The following TAFA4 variants were observed in gnomAD, a reference collection of about 807,000 sequenced individuals.
TAFA4 encodes the protein TAFA chemokine like family member 4.
TAFA4 carries 20 observed loss-of-function variants against 21.1 expected under a neutral mutation model. The ratio of observed to expected loss-of-function variants is 0.95; its 90% CI spans 0.67 to 1.38. The LOEUF (loss-of-function observed/expected upper bound fraction) is 1.38, where lower values mean the gene tolerates loss of function less well. Among genes scored for constraint, TAFA4 ranks in the 40% most tolerant of loss-of-function variants. The pLI is 0.00. For synonymous variants in TAFA4, 71 were observed against 67.4 expected (o/e 1.05, Z -0.26); for missense variants, 211 against 180.9 (o/e 1.17, Z -0.95).
intron 3 of TAFA4, among the ~76,000 whole-genome samples, chr3:68,863,498 C>T (rs557147222): frequency 6.6e-6 from 1 of 152,250 alleles, no homozygotes; most frequent in African/African-American, 2.4e-5. Context: ...CATGAGGACT[C>T]TTAAGAATCT....
chr3:68,828,194 T>C (rs1405619820), intron 3 of TAFA4, among the ~76,000 whole-genome samples: 1 of 152,182 alleles, frequency 6.6e-6, no homozygotes, highest in African/African-American at 2.4e-5. Context: ...TGTGGATGCA[T>C]GGTGTTATTT....
At chr3:68,901,402 A>C (rs1394664872) in intron 1 of TAFA4, among the ~76,000 whole-genome samples, 1 of 152,124 alleles carries the variant, frequency 6.6e-6, no homozygotes, top group Non-Finnish European at 1.5e-5. Context: ...CATAGATAGG[A>C]AGAAATGAGC....
chr3:68,911,549 C>T (rs536920654), intron 1 of TAFA4, among the ~76,000 whole-genome samples: 3 of 152,186 alleles, frequency 2.0e-5, no homozygotes, highest in Non-Finnish European at 4.4e-5. Context: ...CCACACAAAT[C>T]GCCCAAACCA....
chr3:68,926,840 G>A (rs2090111711), intron 1 of TAFA4, among the ~76,000 whole-genome samples: 1 of 152,170 alleles, frequency 6.6e-6, no homozygotes, highest in Non-Finnish European at 1.5e-5. Flanking sequence ...GAACCTGGAA[G>A]GTGGAGGTTG....
chr3:68,888,402 C>T (rs921851598), intron 1 of TAFA4, among the ~76,000 whole-genome samples: 1 of 152,098 alleles, frequency 6.6e-6, no homozygotes, highest in African/African-American at 2.4e-5. Flanking sequence ...TGAGCCCTCA[C>T]CAGAGCCACC....
chr3:68,828,112 C>T (rs1410237503), intron 3 of TAFA4, among the ~76,000 whole-genome samples: 2 of 151,966 alleles, frequency 1.3e-5, no homozygotes, highest in African/African-American at 4.8e-5. Context: ...AGTTTTCACA[C>T]CAGCATTTAT....
chr3:68,886,301 C>G lies in TAFA4; in HGVS notation c.-122-991G>C, dbSNP rs778005429. On this transcript the variant is annotated intron_variant, in intron 1 of 5. Coordinates refer to ENST00000295569, the MANE Select transcript of TAFA4 (RefSeq NM_182522.5). ...GGGCTGCATGTAAGAGAGTATGGGCCTTGAGTAATTAGTTCAACAAGAGAG... is the reference window on the plus strand; with the variant it reads ...GGGCTGCATGTAAGAGAGTATGGGCGTTGAGTAATTAGTTCAACAAGAGAG... 1.8e-4 allele frequency among the ~76,000 whole-genome samples: 28 copies of G among 152,198 alleles called. 1 individual carries two copies. The highest frequency in any genetic ancestry group is 7.8e-4 in the Admixed American group (12 of 15,292).
chr3:68,806,904 T>C (rs1162187379), intron 3 of TAFA4, among the ~76,000 whole-genome samples: 5 of 152,170 alleles, frequency 3.3e-5, no homozygotes, highest in African/African-American at 4.8e-5. Context: ...CGGTATATGG[T>C]ATTCTGTTAC....
At chr3:68,739,025 C>T in intron 5 of TAFA4, 50 bp downstream of exon 5, 1 of 1,602,540 alleles carries the variant, frequency 6.2e-7, no homozygotes, top group South Asian at 1.1e-5. Context: ...GGGGAGAAAG[C>T]CCCACAGTTG....
chr3:68,772,400 A>G (rs933564409), intron 3 of TAFA4, among the ~76,000 whole-genome samples: 29 of 152,308 alleles, frequency 1.9e-4, no homozygotes, highest in African/African-American at 5.8e-4. Flanking sequence ...AAGAGCCATC[A>G]TTAAGGTGGG....
At chr3:68,897,542 C>T (rs898338855) in intron 1 of TAFA4, among the ~76,000 whole-genome samples, 1 of 151,890 alleles carries the variant, frequency 6.6e-6, no homozygotes, top group Non-Finnish European at 1.5e-5. Flanking sequence ...AGAAGAATCG[C>T]TTGAACCCGG....
chr3:68,830,123 C>G (rs1352422948), intron 3 of TAFA4, among the ~76,000 whole-genome samples: 1 of 152,032 alleles, frequency 6.6e-6, no homozygotes, highest in Non-Finnish European at 1.5e-5. Flanking sequence ...TTTTGTAGAT[C>G]TTTTCAAAAA....
intron 3 of TAFA4, among the ~76,000 whole-genome samples, chr3:68,861,925 A>T (rs1260162858): frequency 6.6e-6 from 1 of 152,020 alleles, no homozygotes; most frequent in African/African-American, 2.4e-5. Flanking sequence ...ACCTTCAATA[A>T]CATATCCCCA....
chr3:68,920,337 G>A (rs750934433), intron 1 of TAFA4, among the ~76,000 whole-genome samples: 6 of 152,100 alleles, frequency 3.9e-5, no homozygotes, highest in Non-Finnish European at 8.8e-5. Context: ...AACATAAATA[G>A]CAAAGTTTAA....
intron 3 of TAFA4, among the ~76,000 whole-genome samples, chr3:68,812,245 G>A (rs1009798857): frequency 3.3e-5 from 5 of 152,136 alleles, no homozygotes; most frequent in Non-Finnish European, 5.9e-5. Context: ...GACCATTGAG[G>A]CAAGGAAGAA....
chr3:68,827,454 T>C (rs1246513460), intron 3 of TAFA4, among the ~76,000 whole-genome samples: 1 of 152,208 alleles, frequency 6.6e-6, no homozygotes, highest in African/African-American at 2.4e-5. Context: ...CCTTGAGGAA[T>C]TGCCACACTG....
intron 3 of TAFA4, among the ~76,000 whole-genome samples, chr3:68,785,342 A>T (rs1209094040): frequency 6.6e-6 from 1 of 152,204 alleles, no homozygotes; most frequent in Non-Finnish European, 1.5e-5. Context: ...GGTCGATGGG[A>T]CTGGGCGCCT....
chr3:68,831,530 T>C (rs992431202), intron 3 of TAFA4, among the ~76,000 whole-genome samples: 1 of 152,106 alleles, frequency 6.6e-6, no homozygotes, highest in Non-Finnish European at 1.5e-5. Context: ...TTCTGGATTG[T>C]AGGGTTTCTG....
chr3:68,920,947 C>T (rs2090055524), intron 1 of TAFA4, among the ~76,000 whole-genome samples: 1 of 152,168 alleles, frequency 6.6e-6, no homozygotes, highest in Non-Finnish European at 1.5e-5. Flanking sequence ...GCAGGGCCTT[C>T]GTCTGCCACT....
Sources: gnomAD v4.1 joint callset for allele counts (sites outside exome capture counted in the v4.1 genomes callset) on GRCh38, gnomAD v4.1.1 for gene constraint, MANE v1.5 for transcripts, NCBI Gene and HGNC (gene_info 2026-07-23, HGNC 2026-07-21) for gene names.